Variants in STEAP1B observed in about 807,000 individuals in gnomAD.
STEAP1B encodes STEAP family member 1B.
STEAP1B carries 13 observed loss-of-function variants against 27.9 expected under a neutral mutation model. That is an observed-to-expected ratio of 0.47 (90% CI 0.30 to 0.74). The LOEUF is 0.74. Ranked by LOEUF, STEAP1B falls within the 30% of genes least tolerant of loss-of-function variation. STEAP1B has a pLI of 0.06. For missense variants in STEAP1B, 250 were observed against 298.7 expected (o/e 0.84, Z 1.20); for synonymous variants, 86 against 107.1 (o/e 0.80, Z 1.22).
chr7:22,445,694 G>C (rs1246493681), intron 4 of STEAP1B, among the ~76,000 whole-genome samples: 1 of 152,278 alleles, frequency 6.6e-6, no homozygotes, highest in African/African-American at 2.4e-5. Context: ...CCAGATGCAA[G>C]AGCAGCAGGG....
chr7:22,431,172 T>C (rs1394322762), intron 4 of STEAP1B, among the ~76,000 whole-genome samples: 1 of 152,098 alleles, frequency 6.6e-6, no homozygotes, highest in African/African-American at 2.4e-5. Context: ...AAAACTACAG[T>C]GATAGAGGAA....
chr7:22,438,328 T>G, intron 4 of STEAP1B: 1 of 840,352 alleles, frequency 1.2e-6, no homozygotes. Context: ...TTGTCCCACA[T>G]GTTTTATTTT....
chr7:22,443,096 T>G (rs969481196), intron 4 of STEAP1B, among the ~76,000 whole-genome samples: 17 of 152,194 alleles, frequency 1.1e-4, no homozygotes, highest in African/African-American at 4.1e-4. Flanking sequence ...CAGATCTGCA[T>G]AGTGATCTTC....
intron 4 of STEAP1B, among the ~76,000 whole-genome samples, chr7:22,439,443 T>C (rs1434973015): frequency 6.6e-6 from 1 of 152,150 alleles, no homozygotes; most frequent in Non-Finnish European, 1.5e-5. Flanking sequence ...TTTTTTTTTT[T>C]CATACAAGTC....
At chr7:22,441,724 G>C (rs1785336404) in intron 4 of STEAP1B, among the ~76,000 whole-genome samples, 1 of 152,170 alleles carries the variant, frequency 6.6e-6, no homozygotes, top group Non-Finnish European at 1.5e-5. Flanking sequence ...GGGGTTAGTG[G>C]TTATGCTTCT....
At chr7:22,492,756 G>A (rs771954828) in intron 3 of STEAP1B, 27 bp from the exon 4 acceptor site, 1 of 1,570,676 alleles carries the variant, frequency 6.4e-7, no homozygotes, top group South Asian at 1.2e-5. Flanking sequence ...AAAGAAAGAA[G>A]AAATGCAAAC....
At position 22,488,266 on chromosome 7, in the gene STEAP1B, G is replaced by A. The variant is rs139323088; in HGVS notation, c.762+4299C>T. 1.3e-4 allele frequency among the ~76,000 whole-genome samples: 20 copies of A among 152,312 alleles called. No homozygotes were observed. The East Asian group carries it at 3.9e-3, about 29-fold the overall frequency. On this transcript the variant is annotated intron_variant, in intron 4 of 4. Coordinates refer to ENST00000678116, the MANE Select transcript of STEAP1B (RefSeq NM_001382447.1). ...CCCTGCCCCACCTATCCTTCCCACAGTGTGGCAGAGGATACCTTCCCAGAT... is the reference window on the plus strand; with the variant it reads ...CCCTGCCCCACCTATCCTTCCCACAATGTGGCAGAGGATACCTTCCCAGAT...
chr7:22,481,541 C>T (rs1042339508), intron 4 of STEAP1B, among the ~76,000 whole-genome samples: 2 of 152,218 alleles, frequency 1.3e-5, no homozygotes, highest in Non-Finnish European at 2.9e-5. Flanking sequence ...TCAGGCCCCA[C>T]CGTAGTCCAA....
intron 4 of STEAP1B, among the ~76,000 whole-genome samples, chr7:22,482,490 G>C (rs903962410): frequency 2.0e-5 from 3 of 152,186 alleles, no homozygotes; most frequent in East Asian, 1.9e-4. Context: ...GATAGGCAGA[G>C]AGGAGAGCTA....
chr7:22,464,135 T>C (rs999335751), intron 4 of STEAP1B, among the ~76,000 whole-genome samples: 3 of 152,256 alleles, frequency 2.0e-5, no homozygotes, highest in Admixed American at 6.5e-5. Context: ...GTGTTGTTCA[T>C]TATTCACTTG....
chr7:22,446,248 G>T (rs1785407768), intron 4 of STEAP1B, among the ~76,000 whole-genome samples: 1 of 152,256 alleles, frequency 6.6e-6, no homozygotes, highest in Admixed American at 6.5e-5. Flanking sequence ...CCTACCCTCT[G>T]AGATCTGATC....
chr7:22,469,435 T>A (rs1031919017), intron 4 of STEAP1B, among the ~76,000 whole-genome samples: 5 of 152,190 alleles, frequency 3.3e-5, no homozygotes, highest in African/African-American at 9.6e-5. Context: ...TTTTATGCAG[T>A]CTATATTAGT....
At chr7:22,455,133 G>T (rs1785558969) in intron 4 of STEAP1B, among the ~76,000 whole-genome samples, 3 of 152,048 alleles carry the variant, frequency 2.0e-5, no homozygotes, top group Non-Finnish European at 4.4e-5. Flanking sequence ...AAAGTGCTGG[G>T]ATTACAGGCG....
chr7:22,496,223 G>C (rs764398020), intron 1 of STEAP1B, among the ~76,000 whole-genome samples: 5 of 152,022 alleles, frequency 3.3e-5, no homozygotes, highest in Non-Finnish European at 7.4e-5. Context: ...AGCTTAAGGA[G>C]TAAGTATATA....
intron 4 of STEAP1B, among the ~76,000 whole-genome samples, chr7:22,476,396 T>C (rs1785972473): frequency 6.6e-6 from 1 of 152,052 alleles, no homozygotes; most frequent in African/African-American, 2.4e-5. Context: ...AAGAACCATG[T>C]AGCCCAGGGG....
intron 4 of STEAP1B, among the ~76,000 whole-genome samples, chr7:22,475,229 C>A (rs1785951106): frequency 6.6e-6 from 1 of 152,208 alleles, no homozygotes; most frequent in South Asian, 2.1e-4. Context: ...CATCTCCCTG[C>A]TGGCCAGTAC....
At chr7:22,495,753 G>A (rs887865652) in intron 1 of STEAP1B, among the ~76,000 whole-genome samples, 7 of 152,034 alleles carry the variant, frequency 4.6e-5, no homozygotes, top group African/African-American at 1.2e-4. Context: ...TTTAGACCAC[G>A]TGTAGTACTT....
intron 4 of STEAP1B, among the ~76,000 whole-genome samples, chr7:22,481,940 C>T (rs1786081955): frequency 1.3e-5 from 2 of 152,198 alleles, no homozygotes; most frequent in African/African-American, 4.8e-5. Context: ...CACGTGTTTC[C>T]ATGAAGATTC....
chr7:22,490,620 CTAGGAGTGTTTATCCACAA>C (rs1786305319), intron 4 of STEAP1B, among the ~76,000 whole-genome samples: 1 of 152,178 alleles, frequency 6.6e-6, no homozygotes, highest in Non-Finnish European at 1.5e-5. Context: ...TGCACAACAC[CTAGGAGTGTTTATCCACAA>C]TACTTGGAAG....
Sources: gnomAD v4.1 joint callset for allele counts (sites outside exome capture counted in the v4.1 genomes callset) on GRCh38, gnomAD v4.1.1 for gene constraint, MANE v1.5 for transcripts, NCBI Gene and HGNC (gene_info 2026-07-23, HGNC 2026-07-21) for gene names.